The following LAMA3 variants were observed in gnomAD, a reference collection of about 807,000 sequenced individuals.
The protein encoded by LAMA3 is laminin subunit alpha 3.
Under a neutral mutation model 402.0 loss-of-function variants are expected in LAMA3, and 281 were observed. The observed-to-expected ratio is 0.70, with a 90% CI of 0.63 to 0.77. The LOEUF (loss-of-function observed/expected upper bound fraction) is 0.77. Among genes scored for constraint, LAMA3 ranks in the 30% least tolerant of loss-of-function variants. LAMA3 has a pLI of 0.00. For synonymous variants in LAMA3, 1,431 were observed against 1,558.4 expected, an observed-to-expected ratio of 0.92 and a Z score of 1.93; for missense variants, 3,840 against 4,215.5, an observed-to-expected ratio of 0.91 and a Z score of 2.47.
In LAMA3 at chr18:23,905,391, A is replaced by G. The variant is rs192511734; in HGVS notation, c.6616-131A>G. The G allele has an allele frequency of 6.2e-4, 392 of 629,160 alleles. No homozygotes were observed. The Middle Eastern group carries it at 9.4e-3, about 15-fold the overall frequency. The allele number at this position is 629,160 out of a possible 1,614,324, so 39.0% of individuals were successfully genotyped here. ...GGAGCCCTAACTCTTTTAGGGAACA[A>G]TCTAGTTATAACTCCTTCCCCCTTT... On this transcript the variant is annotated intron_variant, in intron 51 of 74. Coordinates refer to ENST00000313654, the MANE Select transcript of LAMA3 (RefSeq NM_198129.4).
At chr18:23,821,953 C>T (rs547498283) in intron 19 of LAMA3, among the ~76,000 whole-genome samples, 2 of 152,320 alleles carry the variant, frequency 1.3e-5, no homozygotes, top group East Asian at 3.9e-4. Flanking sequence ...ACTAGCCCAT[C>T]TAATACTCCA....
intron 32 of LAMA3, among the ~76,000 whole-genome samples, chr18:23,848,264 G>A (rs999040102): frequency 6.6e-6 from 1 of 152,268 alleles, no homozygotes; most frequent in Middle Eastern, 3.4e-3. Flanking sequence ...GCCCTCAGAG[G>A]ATCGCTGAGC....
rs567183738 is a variant in LAMA3, at chr18:23,767,082, A to C, written c.1182+3559A>C. Among the ~76,000 whole-genome samples, 8 of 152,304 alleles carry C rather than the reference A, an allele frequency of 5.3e-5. No homozygotes were observed. The South Asian group carries it at 1.7e-3, about 32-fold the overall frequency. On this transcript the variant is annotated intron_variant, in intron 8 of 74. Transcript: ENST00000313654. Reference sequence around the variant, plus strand: ...CCAATAATGTTCAAGCTGAGAGCCAAATCAAGAACACAATCCCATTTACAG... The same window carrying C: ...CCAATAATGTTCAAGCTGAGAGCCACATCAAGAACACAATCCCATTTACAG...
At chr18:23,867,552 CAAAAAAAAAAAA>C (rs60964764) in intron 36 of LAMA3, among the ~76,000 whole-genome samples, 6 of 96,346 alleles carry the variant, frequency 6.2e-5, no homozygotes, top group Middle Eastern at 5.3e-3. Flanking sequence ...CCATCCCTGC[CAAAAAAAAAAAA>C]AAAAGAAAAA....
chr18:23,875,253 T>C (rs1343345451), intron 38 of LAMA3, among the ~76,000 whole-genome samples: 4 of 152,234 alleles, frequency 2.6e-5, no homozygotes, highest in Non-Finnish European at 2.9e-5. Flanking sequence ...ATCTAAATAA[T>C]TTTAATGGCT....
intron 42 of LAMA3, among the ~76,000 whole-genome samples, chr18:23,890,765 C>T (rs1011828165): frequency 6.6e-6 from 1 of 152,144 alleles, no homozygotes. Context: ...AAGAACTAAA[C>T]CCTGGATATG....
At chr18:23,760,918 C>T (rs1187362466) in intron 7 of LAMA3, among the ~76,000 whole-genome samples, 2 of 151,870 alleles carry the variant, frequency 1.3e-5, no homozygotes. Context: ...TTCTGGGCCT[C>T]TTTTATAAGG....
rs1020057666 is a variant in LAMA3, at chr18:23,792,433, C to A, written c.1603+8276C>A. Among the ~76,000 whole-genome samples, 30 of 152,176 alleles carry A rather than the reference C, an allele frequency of 2.0e-4. 1 individual carries two copies. The highest frequency in any genetic ancestry group is 1.8e-3 in the Admixed American group (27 of 15,284). ...GATGCAAGAGAGAGAGTCCAGGAAG[C>A]CAGATTCACTTTTATAACAACCCAC... On this transcript the variant is annotated intron_variant, in intron 12 of 74. Transcript: ENST00000313654.
chr18:23,861,951 A>C (rs2064234715), intron 35 of LAMA3, 144 bp downstream of exon 35: 1 of 924,478 alleles, frequency 1.1e-6, no homozygotes, highest in Non-Finnish European at 1.6e-6. Context: ...AAAGTGAGGA[A>C]GAGACCCTGC....
chr18:23,953,106 C>G lies in LAMA3; in HGVS notation c.9853C>G (p.Pro3285Ala). The stretch of plus-strand genomic sequence containing the variant: ...AGAGCCACTACACCTTGGAGGTGCT[C>G]CAGGTAACTCTTGTCCTGACTTCTA... ...TQEPLHLGGA[P>A]ANLTTLRIPV... The change falls in exon 74 of 75, where the codon CCA (proline) becomes GCA (alanine). Residue 3285 changes from proline to alanine, a missense_variant. Physicochemically the swap from Pro to Ala is conservative, Grantham distance 27. This residue lies in a region of LAMA3 where 840 missense variants were observed against 981.9 expected (regional missense o/e 0.86). Coordinates refer to ENST00000313654, the MANE Select transcript of LAMA3 (RefSeq NM_198129.4). 6.2e-7 allele frequency: 1 copy of G among 1,613,960 alleles called. No homozygotes were observed. The highest frequency in any genetic ancestry group is 8.5e-7 in the Non-Finnish European group (1 of 1,179,884).
Position 23,744,675 on chromosome 18 carries a change from C to CA in LAMA3, c.448-3261dup, listed in dbSNP as rs1403060045. On this transcript the variant is annotated intron_variant, in intron 2 of 74. Coordinates refer to ENST00000313654, the MANE Select transcript of LAMA3 (RefSeq NM_198129.4). Reference sequence around the variant, plus strand: ...TGAAACCCCGTCTCTACTAAAAATACAAAAAAATTAGCCGGGCGTGGTGGC... The same window carrying CA: ...TGAAACCCCGTCTCTACTAAAAATACAAAAAAAATTAGCCGGGCGTGGTGGC... Among the ~76,000 whole-genome samples the CA allele has an allele frequency of 2.0e-5, 3 of 151,398 alleles. No individual in the cohort carries two copies. In the South Asian group the frequency reaches 6.3e-4, roughly 32 times the overall value.
chr18:23,903,505 A>G (rs1235826270), intron 49 of LAMA3, among the ~76,000 whole-genome samples: 2 of 152,110 alleles, frequency 1.3e-5, no homozygotes, highest in African/African-American at 2.4e-5. Context: ...TATAATAACT[A>G]TTTCTTTTTT....
intron 39 of LAMA3, among the ~76,000 whole-genome samples, chr18:23,877,721 T>C (rs952681843): frequency 1.3e-5 from 2 of 152,226 alleles, no homozygotes; most frequent in Admixed American, 6.5e-5. Flanking sequence ...TAAAGGGTAT[T>C]GGGAAATACT....
At chr18:23,871,683 AACATT>A in intron 38 of LAMA3, 22 bp downstream of exon 38, 1 of 1,566,470 alleles carries the variant, frequency 6.4e-7, no homozygotes, top group African/African-American at 1.3e-5. Flanking sequence ...TCCCATCCGC[AACATT>A]TCCCTAGGGA....
At chr18:23,843,500 C>T (rs1175263187) in intron 29 of LAMA3, among the ~76,000 whole-genome samples, 1 of 152,222 alleles carries the variant, frequency 6.6e-6, no homozygotes, top group Non-Finnish European at 1.5e-5. Context: ...CAACCATTCT[C>T]TTCTAGCCCC....
At chr18:23,891,456 A>G (rs1330094659) in intron 42 of LAMA3, among the ~76,000 whole-genome samples, 1 of 152,218 alleles carries the variant, frequency 6.6e-6, no homozygotes, top group Non-Finnish European at 1.5e-5. Context: ...TTTTTCCGGC[A>G]TCTGCTGGTC....
Position 23,924,745 on chromosome 18 carries a change from G to A in LAMA3, c.8177+3160G>A, listed in dbSNP as rs1242185045. ...TTTAGTAGAGACGGGGTTTTGCCAT[G>A]TTGGTCTGGCTGGTCTCGAACTCCT... On this transcript the variant is annotated intron_variant, in intron 62 of 74. Transcript: ENST00000313654. Among the ~76,000 whole-genome samples, 11 of 152,092 alleles carry A rather than the reference G, an allele frequency of 7.2e-5. No homozygotes were observed. The East Asian group carries it at 2.1e-3, about 29-fold the overall frequency.
rs2063159795 is a variant in LAMA3, at chr18:23,815,553, G to C, written c.2027G>C (p.Ser676Thr). Residue 676 changes from serine to threonine, a missense_variant, in exon 17 of 75, where the codon AGC (serine) becomes ACC (threonine). Coordinates refer to ENST00000313654, the MANE Select transcript of LAMA3 (RefSeq NM_198129.4). Reference protein sequence around the residue: ...CEDGYFALEKSNYFGCQGCQC... With the variant: ...CEDGYFALEKTNYFGCQGCQC... ...GATGGATATTTTGCTTTGGAAAAGA[G>C]CAATTACTTTGGGTGTCAAGGTAAA... 6.2e-7 allele frequency: 1 copy of C among 1,613,724 alleles called. No individual in the cohort carries two copies.
chr18:23,842,393 A>C lies in LAMA3; in HGVS notation c.3337-2A>C. 6.2e-7 allele frequency: 1 copy of C among 1,613,898 alleles called. No individual in the cohort carries two copies. The highest frequency in any genetic ancestry group is 8.5e-7 in the Non-Finnish European group (1 of 1,179,986). ...TTTTTTCCTCCTCTTTTTTCCTCTT[A>C]GAATCAAGTGACCCTGAGAGGACGT... On this transcript the variant is annotated splice_acceptor_variant, in intron 27 of 74. Coordinates refer to ENST00000313654, the MANE Select transcript of LAMA3 (RefSeq NM_198129.4). LOFTEE classifies it high-confidence loss of function.
Sources: gnomAD v4.1 joint callset for allele counts (sites outside exome capture counted in the v4.1 genomes callset) on GRCh38, gnomAD v4.1.1 for gene constraint, gnomAD v4.1.1 regional missense constraint, MANE v1.5 for transcripts, NCBI Gene and HGNC (gene_info 2026-07-23, HGNC 2026-07-21) for gene names.